FAM89A: variants seen among roughly 807,000 people sequenced by gnomAD.
FAM89A encodes protein FAM89A.
FAM89A carries 10 observed loss-of-function variants against 7.1 expected under a neutral mutation model. The observed-to-expected ratio is 1.40, with a 90% CI of 0.86 to 2.38. The LOEUF (loss-of-function observed/expected upper bound fraction) is 2.38, where lower values mean the gene tolerates loss of function less well. Ranked by LOEUF, FAM89A falls within the 30% of genes most tolerant of loss-of-function variation. The pLI is 0.00. For synonymous variants in FAM89A, 157 were observed against 129.3 expected (o/e 1.21, Z -1.45); for missense variants, 276 against 262.8 (o/e 1.05, Z -0.35).
chr1:231,022,159 A>G (rs1399773657), intron 1 of FAM89A: 1 of 1,096,628 alleles, frequency 9.1e-7, no homozygotes, highest in Non-Finnish European at 1.4e-6. Flanking sequence ...TCAACCACAA[A>G]CAGTACCACT....
At chr1:231,022,007 C>T (rs1017162622) in intron 1 of FAM89A, 2 of 1,334,914 alleles carry the variant, frequency 1.5e-6, no homozygotes, top group Non-Finnish European at 2.2e-6. Flanking sequence ...TGTCGGTTGT[C>T]CTATCTGCAT....
chr1:231,023,986 A>C (rs1679920377), intron 1 of FAM89A, among the ~76,000 whole-genome samples: 1 of 152,252 alleles, frequency 6.6e-6, no homozygotes, highest in African/African-American at 2.4e-5. Context: ...ACTTCGTCCT[A>C]AATTAAATTG....
At position 231,040,009 on chromosome 1, in the gene FAM89A, C is replaced by T; in HGVS notation, c.203G>A (p.Gly68Asp). The change falls in exon 1 of 2, where the codon GGC (glycine) becomes GAC (aspartate). Residue 68 changes from glycine to aspartate, a missense_variant. By Grantham distance (94) the Gly-to-Asp change is moderately conservative (BLOSUM62 -1). Transcript: ENST00000366654. ...SRIQDELSRG[G>D]PGGGGARAAA... is the part of the protein sequence containing the mutation. ...CGCCCGGGCCCCGCCGCCGCCCGGG[C>T]CCCCGCGGCTCAGCTCGTCCTGGAT... 3 of 1,416,098 alleles carry T rather than the reference C, an allele frequency of 2.1e-6. No individual in the cohort carries two copies. The highest frequency in any genetic ancestry group is 2.8e-6 in the Non-Finnish European group (3 of 1,088,702). 87.7% of individuals were successfully genotyped at this position (1,416,098 alleles called of 1,614,324 possible).
chr1:231,034,925 T>C (rs1196910024), intron 1 of FAM89A, among the ~76,000 whole-genome samples: 1 of 152,168 alleles, frequency 6.6e-6, no homozygotes, highest in Non-Finnish European at 1.5e-5. Flanking sequence ...TGCTAGACTA[T>C]GCTAGTGGAA....
chr1:231,038,318 A>G (rs1680193356), intron 1 of FAM89A, among the ~76,000 whole-genome samples: 2 of 152,218 alleles, frequency 1.3e-5, no homozygotes. Context: ...GGGACCTGGA[A>G]AAATACTTCT....
Position 231,031,020 on chromosome 1 carries a change from G to C in FAM89A, c.291+8901C>G, listed in dbSNP as rs140093568. ...AGCTACTTGGGTGGCTGAGGTGGGAGGATCACCTGACCCTGGGAGGCAGAG... is the reference window on the plus strand; with the variant it reads ...AGCTACTTGGGTGGCTGAGGTGGGACGATCACCTGACCCTGGGAGGCAGAG... On this transcript the variant is annotated intron_variant, in intron 1 of 1. Transcript: ENST00000366654. Among the ~76,000 whole-genome samples the C allele has an allele frequency of 6.2e-3, 939 of 152,180 alleles. 13 individuals carry two copies. Among genetic ancestry groups the C allele is most frequent in the African/African-American group, 0.021 (871 of 41,506 alleles).
Position 231,018,989 on chromosome 1 carries a change from C to T in FAM89A, c.*874G>A, listed in dbSNP as rs1679821006. 6.6e-6 allele frequency: 1 copy of T among 152,164 alleles called. No individual in the cohort carries two copies. The highest frequency in any genetic ancestry group is 1.5e-5 in the Non-Finnish European group (1 of 68,026). The allele number at this position is 152,164 out of a possible 1,614,324, so 9.4% of individuals were successfully genotyped here. On this transcript the variant is annotated 3_prime_UTR_variant, in exon 2 of 2. Transcript: ENST00000366654. ...TTAGCATTTTATCCTCATTTTTAAC[C>T]TACAAAGTGTAATGTTCTCATAAAG...
intron 1 of FAM89A, among the ~76,000 whole-genome samples, chr1:231,037,872 A>T (rs1176501543): frequency 6.6e-6 from 1 of 151,968 alleles, no homozygotes; most frequent in Non-Finnish European, 1.5e-5. Flanking sequence ...AAAAAAAAAA[A>T]TTTCTTTAAG....
chr1:231,033,089 G>A (rs1680101737), intron 1 of FAM89A, among the ~76,000 whole-genome samples: 1 of 152,230 alleles, frequency 6.6e-6, no homozygotes, highest in African/African-American at 2.4e-5. Context: ...GGGAGAGGGT[G>A]ACCATCTGTG....
At chr1:231,025,081 T>C (rs1396657385) in intron 1 of FAM89A, among the ~76,000 whole-genome samples, 3 of 151,890 alleles carry the variant, frequency 2.0e-5, no homozygotes, top group Non-Finnish European at 4.4e-5. Context: ...CGCCACTACG[T>C]CCGGCTAATT....
At chr1:231,037,763 C>T (rs951629143) in intron 1 of FAM89A, among the ~76,000 whole-genome samples, 1 of 152,128 alleles carries the variant, frequency 6.6e-6, no homozygotes, top group Non-Finnish European at 1.5e-5. Flanking sequence ...CTTCCTGGTG[C>T]CTCTTTCCCT....
Position 231,019,367 on chromosome 1 carries a change from A to AAGCTG in FAM89A, c.*491_*495dup. The AAGCTG allele has an allele frequency of 6.5e-6, 1 of 153,256 alleles. No homozygotes were observed. The highest frequency in any genetic ancestry group is 1.9e-4 in the East Asian group (1 of 5,188). 9.5% of individuals were successfully genotyped at this position (153,256 alleles called of 1,614,324 possible). A position where few individuals can be genotyped will look rare whatever the true frequency, so the allele number is the denominator to read the frequency against. ...TAGTAATGCAGCTTACAAATAAATAAAGCTGAGGCGAGAGGTTTAAACAGC... is the reference window on the plus strand; with the variant it reads ...TAGTAATGCAGCTTACAAATAAATAAAGCTGAGCTGAGGCGAGAGGTTTAAACAGC... On this transcript the variant is annotated 3_prime_UTR_variant, in exon 2 of 2. Transcript: ENST00000366654.
At chr1:231,027,776 C>T (rs912925454) in intron 1 of FAM89A, among the ~76,000 whole-genome samples, 2 of 152,244 alleles carry the variant, frequency 1.3e-5, no homozygotes, top group Non-Finnish European at 2.9e-5. Context: ...CCATGACACC[C>T]TCATCCCCAC....
intron 1 of FAM89A, chr1:231,021,463 T>C (rs546587760): frequency 5.8e-5 from 35 of 601,092 alleles, no homozygotes; most frequent in African/African-American, 5.8e-4. Flanking sequence ...GACTTTAAAA[T>C]ACTGGAAATC....
intron 1 of FAM89A, chr1:231,026,067 C>G (rs1191418369): frequency 8.2e-6 from 1 of 122,110 alleles, no homozygotes; most frequent in Non-Finnish European, 1.9e-5. Context: ...AATTGCTCAG[C>G]TCCTAAAAAA....
intron 1 of FAM89A, among the ~76,000 whole-genome samples, chr1:231,025,456 G>A (rs995350190): frequency 2.0e-5 from 3 of 152,210 alleles, no homozygotes; most frequent in East Asian, 3.9e-4. Flanking sequence ...AACTGCAAGC[G>A]AAAGACAGAC....
chr1:231,021,002 CTT>C (rs924265894), intron 1 of FAM89A, among the ~76,000 whole-genome samples: 60 of 152,200 alleles, frequency 3.9e-4, no homozygotes, highest in Middle Eastern at 3.2e-3. Flanking sequence ...ATCGGTGCCT[CTT>C]AACCTTTAAA....
chr1:231,021,656 G>T (rs1358850942), intron 1 of FAM89A: 2 of 1,558,092 alleles, frequency 1.3e-6, no homozygotes, highest in Non-Finnish European at 1.8e-6. Flanking sequence ...TTCTAGACAA[G>T]CCCAGAAGCG....
At chr1:231,039,899 C>A (rs1188384756) in intron 1 of FAM89A, 22 bp downstream of exon 1, 3 of 1,290,678 alleles carry the variant, frequency 2.3e-6, no homozygotes, top group Non-Finnish European at 2.9e-6. Context: ...GGAAGAGCCC[C>A]AGCTCGCGGA....
Sources: gnomAD v4.1 joint callset for allele counts (sites outside exome capture counted in the v4.1 genomes callset) on GRCh38, gnomAD v4.1.1 for gene constraint, MANE v1.5 for transcripts, NCBI Gene and HGNC (gene_info 2026-07-23, HGNC 2026-07-21) for gene names.